Variants in CDH26 observed in about 807,000 individuals in gnomAD.
CDH26 encodes the protein cadherin 26, also known as cadherin-like protein 26.
In CDH26, 83 loss-of-function variants were observed where a neutral mutation model predicts 90.3. The ratio of observed to expected loss-of-function variants is 0.92; its 90% CI spans 0.77 to 1.10. CDH26 has a LOEUF of 1.10. CDH26 is among the 50% of genes least tolerant of loss of function. The pLI, the probability that CDH26 is intolerant of heterozygous loss-of-function variation, is 0.00. For synonymous variants in CDH26, 397 were observed against 396.3 expected (o/e 1.00, Z -0.02); for missense variants, 1,013 against 1,037.6 (o/e 0.98, Z 0.33).
intron 7 of CDH26, chr20:59,985,880 A>T (rs865981795): frequency 5.9e-5 from 9 of 152,296 alleles, no homozygotes; most frequent in African/African-American, 2.2e-4. Context: ...AGATGGGAAA[A>T]CTGAGGTCTA....
intron 1 of CDH26, among the ~76,000 whole-genome samples, chr20:59,963,962 C>T (rs62205075): frequency 1.2e-3 from 180 of 152,190 alleles, no homozygotes; most frequent in Admixed American, 3.1e-3. Flanking sequence ...GAGGACTCGT[C>T]GGCTCTCAGA....
intron 17 of CDH26, among the ~76,000 whole-genome samples, chr20:60,010,811 C>T (rs1336356656): frequency 6.6e-6 from 1 of 151,564 alleles, no homozygotes; most frequent in Non-Finnish European, 1.5e-5. Context: ...AGAGCAGGCA[C>T]CTCTGGCTCA....
chr20:60,019,757 G>C (rs1417053784), intron 7 of CDH26, among the ~76,000 whole-genome samples: 1 of 152,132 alleles, frequency 6.6e-6, no homozygotes, highest in East Asian at 1.9e-4. Context: ...GAGGTGTCAT[G>C]TTTCCTTGCC....
At chr20:59,996,135 A>T in intron 12 of CDH26, 81 bp downstream of exon 12, 2 of 1,395,508 alleles carry the variant, frequency 1.4e-6, no homozygotes, top group Non-Finnish European at 2.0e-6. Flanking sequence ...TTGCTGGGGT[A>T]GGGGACAGCG....
chr20:60,026,480 AAGC>A (rs2061999117), intron 7 of CDH26, among the ~76,000 whole-genome samples: 4 of 151,694 alleles, frequency 2.6e-5, no homozygotes, highest in Admixed American at 2.6e-4. Flanking sequence ...CAGAGACCGG[AAGC>A]AAGAAAAGCA....
chr20:60,003,499 A>G (rs1351290876), intron 16 of CDH26, among the ~76,000 whole-genome samples: 6 of 152,214 alleles, frequency 3.9e-5, no homozygotes, highest in African/African-American at 1.4e-4. Flanking sequence ...GATATATACC[A>G]ACAAGCAGTT....
chr20:60,034,637 G>A (rs903087626), downstream of CDH26, among the ~76,000 whole-genome samples: 6 of 152,224 alleles, frequency 3.9e-5, no homozygotes, highest in African/African-American at 1.4e-4. Flanking sequence ...ACAAAGGTCA[G>A]CCAGCCCCCA....
intron 10 of CDH26, among the ~76,000 whole-genome samples, chr20:59,993,359 C>A (rs771267819): frequency 2.0e-5 from 3 of 152,170 alleles, no homozygotes; most frequent in Non-Finnish European, 4.4e-5. Context: ...TTTTAGTGCA[C>A]TGGTCACCTG....
At position 59,995,892 on chromosome 20, in the gene CDH26, C is replaced by T; in HGVS notation, c.1726C>T (p.Leu576Phe). 1.9e-6 allele frequency: 3 copies of T among 1,614,246 alleles called. No individual in the cohort carries two copies. The highest frequency in any genetic ancestry group is 2.5e-6 in the Non-Finnish European group (3 of 1,180,048). Reference protein sequence around the residue: ...SLPRGNYLVPLFIGDKQGLSQ... With the variant: ...SLPRGNYLVPFFIGDKQGLSQ... ...GCCACGTGGTAATTACTTGGTGCCA[C>T]TCTTCATTGGAGACAAACAGGGACT... Residue 576 changes from leucine to phenylalanine, a missense_variant, in exon 12 of 18, where the codon CTC (leucine) becomes TTC (phenylalanine). Transcript: ENST00000348616.
At position 59,971,993 on chromosome 20, in the gene CDH26, T is replaced by C; in HGVS notation, c.263T>C (p.Leu88Pro). 6.2e-7 allele frequency: 1 copy of C among 1,613,914 alleles called. No individual in the cohort carries two copies. The highest frequency in any genetic ancestry group is 8.5e-7 in the Non-Finnish European group (1 of 1,179,818). ...AATAATATGTCTTATAACATGTCAC[T>C]AATGTATCTAATCAGTGGACCTGGT... The part of the protein sequence containing the change: ...LFNNMSYNMS[L>P]MYLISGPGVD... The change falls in exon 4 of 18, where the codon CTA becomes CCA. Residue 88 changes from leucine to proline, a missense_variant. By Grantham distance (98) the Leu-to-Pro change is moderately conservative. Transcript: ENST00000348616.
intron 17 of CDH26, among the ~76,000 whole-genome samples, chr20:60,010,978 C>G (rs1015806083): frequency 2.6e-5 from 4 of 152,142 alleles, no homozygotes; most frequent in Non-Finnish European, 5.9e-5. Context: ...TCCCTGACAT[C>G]CCTATTTCAT....
chr20:60,022,330 C>G (rs1450062690), intron 7 of CDH26, among the ~76,000 whole-genome samples: 1 of 152,140 alleles, frequency 6.6e-6, no homozygotes, highest in Non-Finnish European at 1.5e-5. Flanking sequence ...ACATTAGCCT[C>G]CAAATTACCC....
chr20:59,984,084 A>G (rs2061425481), intron 5 of CDH26, among the ~76,000 whole-genome samples: 1 of 152,240 alleles, frequency 6.6e-6, no homozygotes, highest in Non-Finnish European at 1.5e-5. Flanking sequence ...GCTGGTTTGC[A>G]CTGTGCATAC....
At position 59,992,336 on chromosome 20, in the gene CDH26, G is replaced by A. The variant is rs752951625; in HGVS notation, c.1284-42G>A. ...GCAACTTTTTTATCTTTTAATGTAAGTTTTTAATTTTAAAAATTGCTGTCC... is the reference window on the plus strand; with the variant it reads ...GCAACTTTTTTATCTTTTAATGTAAATTTTTAATTTTAAAAATTGCTGTCC... On this transcript the variant is annotated intron_variant, in intron 9 of 17. Coordinates refer to ENST00000348616, the MANE Select transcript of CDH26 (RefSeq NM_177980.4). The surrounding 1 kb of genome is among the most constrained non-coding windows in gnomAD (Gnocchi z 5.0). 6.3e-7 allele frequency: 1 copy of A among 1,582,806 alleles called. No individual in the cohort carries two copies. The highest frequency in any genetic ancestry group is 8.6e-7 in the Non-Finnish European group (1 of 1,166,502).
intron 13 of CDH26, among the ~76,000 whole-genome samples, chr20:59,997,241 C>T (rs2061609864): frequency 6.6e-6 from 1 of 152,254 alleles, no homozygotes; most frequent in Non-Finnish European, 1.5e-5. Context: ...TCTGAGCTGG[C>T]TTCTTGGCCA....
intron 5 of CDH26, among the ~76,000 whole-genome samples, chr20:59,983,917 C>T (rs187247429): frequency 5.5e-4 from 83 of 152,210 alleles, no homozygotes; most frequent in Non-Finnish European, 6.2e-4. Flanking sequence ...TATGGATGTG[C>T]TTTAAAGTAT....
At chr20:59,968,370 T>A (rs2061206158) in intron 1 of CDH26, among the ~76,000 whole-genome samples, 1 of 152,122 alleles carries the variant, frequency 6.6e-6, no homozygotes, top group Non-Finnish European at 1.5e-5. Flanking sequence ...GTGCTAGGAT[T>A]ACACGCGTGA....
chr20:60,012,263 G>A (rs550952253), intron 17 of CDH26, among the ~76,000 whole-genome samples: 7 of 152,218 alleles, frequency 4.6e-5, no homozygotes, highest in Middle Eastern at 6.8e-3. Context: ...GTGGGAGCAG[G>A]TGGGAGGTCC....
At chr20:59,966,257 A>AAAAAT (rs1234143497) in intron 1 of CDH26, among the ~76,000 whole-genome samples, 1 of 147,916 alleles carries the variant, frequency 6.8e-6, no homozygotes, top group Non-Finnish European at 1.5e-5. Context: ...AAAAAAAAAA[A>AAAAAT]GTGGCCTGTT....
Sources: gnomAD v4.1 joint callset for allele counts (sites outside exome capture counted in the v4.1 genomes callset) on GRCh38, gnomAD v4.1.1 for gene constraint, Gnocchi (gnomAD v3.1) non-coding constraint, MANE v1.5 for transcripts, NCBI Gene and HGNC (gene_info 2026-07-23, HGNC 2026-07-21) for gene names.